NEB: variants seen among roughly 807,000 people sequenced by gnomAD.
NEB encodes nebulin, also known as nemaline myopathy type 2.
NEB carries 512 observed loss-of-function variants against 952.2 expected under a neutral mutation model. That is an observed-to-expected ratio of 0.54 (90% confidence interval 0.50 to 0.58). NEB has a LOEUF of 0.58. Ranked by LOEUF, NEB falls within the 20% of genes least tolerant of loss-of-function variation. NEB has a pLI of 0.00. For synonymous variants in NEB, 2,900 were observed against 3,149.8 expected, an observed-to-expected ratio of 0.92 and a Z score of 2.66; for missense variants, 8,428 against 9,231.1, an observed-to-expected ratio of 0.91 and a Z score of 3.56.
intron 20 of NEB, 96 bp from the exon 21 acceptor site, chr2:151,692,458 G>A (rs1334737462): frequency 2.1e-6 from 2 of 970,796 alleles, no homozygotes; most frequent in Non-Finnish European, 1.6e-6. Flanking sequence ...AACTGAAGGG[G>A]CAAAATTTAT....
At chr2:151,493,180 G>T in intron 176 of NEB, 173 bp downstream of exon 176, 6 of 563,302 alleles carry the variant, frequency 1.1e-5, no homozygotes, top group South Asian at 2.4e-5. Context: ...TAAATTTTCA[G>T]TTGAATAAGT....
At position 151,618,364 on chromosome 2, in the gene NEB, G is replaced by T; in HGVS notation, c.10987C>A (p.Arg3663Ser). The change falls in exon 74 of 182, where the codon CGT (arginine) becomes AGT (serine). Residue 3663 changes from arginine to serine, a missense_variant. By Grantham distance (110) the Arg-to-Ser change is moderately radical (BLOSUM62 -1). Coordinates refer to ENST00000397345, the MANE Select transcript of NEB (RefSeq NM_001164508.2). Reference sequence around the variant, plus strand: ...AATTTCAGCGTTTCTGGACGCTGACGGTAGATAGTATCACTAAGTAATTCT... The same window carrying T: ...AATTTCAGCGTTTCTGGACGCTGACTGTAGATAGTATCACTAAGTAATTCT... ...AGELLSDTIY[R>S]QRPETLKFTS... The T allele has an allele frequency of 6.2e-7, 1 of 1,613,892 alleles. No homozygotes were observed. Among genetic ancestry groups the T allele is most frequent in the Non-Finnish European group, 8.5e-7 (1 of 1,179,842 alleles).
chr2:151,718,720 C>A (rs2099766102), intron 9 of NEB, among the ~76,000 whole-genome samples: 1 of 152,170 alleles, frequency 6.6e-6, no homozygotes, highest in South Asian at 2.1e-4. Context: ...CTCACAACCC[C>A]AAACTCTCCT....
Position 151,527,137 on chromosome 2 carries a change from G to T in NEB, c.21841-115C>A, listed in dbSNP as rs529389293. 5.8e-6 allele frequency: 4 copies of T among 687,698 alleles called. 1 individual carries two copies. The South Asian group carries it at 7.6e-5, about 13-fold the overall frequency. 42.6% of individuals were successfully genotyped at this position (687,698 alleles called of 1,614,324 possible). A position where few individuals can be genotyped will look rare whatever the true frequency, so the allele number is the denominator to read the frequency against. On this transcript the variant is annotated intron_variant, in intron 147 of 181. Coordinates refer to ENST00000397345, the MANE Select transcript of NEB (RefSeq NM_001164508.2). ...AGGAGAGGACAAAGACTTGCTACCA[G>T]AATGAGGAGAAGAGCTTCTTGGTCC...
rs1455380634 is a variant in NEB at position 151,608,546 on chromosome 2, G to T, written c.12461C>A (p.Ala4154Asp). The part of the protein sequence containing the change: ...NERLYRTRPE[A>D]LSFTSIVDTP... ...GTCGACAATGCTGGTGAATGACAAA[G>T]CTTCTGGACGTGTCCTATAGAGTCT... The change falls in exon 82 of 182, where the codon GCT becomes GAT. Residue 4154 changes from alanine (A) to aspartate (D), a missense_variant. By Grantham distance (126) the Ala-to-Asp change is moderately radical. Transcript: ENST00000397345. The T allele has an allele frequency of 1.1e-5, 1 of 87,900 alleles. No homozygotes were observed. The highest frequency in any genetic ancestry group is 1.3e-4 in the South Asian group (1 of 7,566). The allele number at this position is 87,900 out of a possible 1,614,324, so 5.4% of individuals were successfully genotyped here.
chr2:151,723,133 T>C (rs1461822541), intron 9 of NEB, among the ~76,000 whole-genome samples: 1 of 152,158 alleles, frequency 6.6e-6, no homozygotes, highest in African/African-American at 2.4e-5. Flanking sequence ...CACTAACTAA[T>C]GTGACCCCAG....
chr2:151,655,698 G>C, intron 50 of NEB, 119 bp downstream of exon 50: 1 of 1,047,928 alleles, frequency 9.5e-7, no homozygotes, highest in East Asian at 2.4e-5. Flanking sequence ...GGAATGATCT[G>C]GAATGGTTTG....
At position 151,667,678 on chromosome 2, in the gene NEB, C is replaced by G. The variant is rs922787809; in HGVS notation, c.4719+126G>C. On this transcript the variant is annotated intron_variant, in intron 40 of 181. Coordinates refer to ENST00000397345, the MANE Select transcript of NEB (RefSeq NM_001164508.2). ...AAATAGTTGGAACTACAGGTACACG[C>G]CACCACATCTGGCTAATTTTTTTTT... 6.7e-6 allele frequency: 4 copies of G among 597,722 alleles called. No individual in the cohort carries two copies. The African/African-American group carries it at 7.5e-5, about 11-fold the overall frequency. 37.0% of individuals were successfully genotyped at this position (597,722 alleles called of 1,614,324 possible).
Position 151,525,162 on chromosome 2 carries a change from C to T in NEB, c.22272+1G>A, listed in dbSNP as rs765866533. 1 of 1,609,996 alleles carries T rather than the reference C, an allele frequency of 6.2e-7. No individual in the cohort carries two copies. The highest frequency in any genetic ancestry group is 8.5e-7 in the Non-Finnish European group (1 of 1,176,212). On this transcript the variant is annotated splice_donor_variant, in intron 151 of 181. Transcript: ENST00000397345. LOFTEE classifies it high-confidence loss of function. ...CAAGAGTGTTGAGAGGGAAAACTTA[C>T]ATCACTTTGCTTCTTGGCCACTTCC...
intron 153 of NEB, among the ~76,000 whole-genome samples, chr2:151,522,970 T>TAGGGGG (rs1381301523): frequency 3.9e-5 from 6 of 152,148 alleles, no homozygotes; most frequent in Admixed American, 3.9e-4. Flanking sequence ...ATGGGACCCA[T>TAGGGGG]AGGGTCCCAT....
In NEB at chr2:151,569,370, A is replaced by T; in HGVS notation, c.17433T>A (p.Asn5811Lys). The T allele has an allele frequency of 6.2e-7, 1 of 1,613,518 alleles. No individual in the cohort carries two copies. The highest frequency in any genetic ancestry group is 8.5e-7 in the Non-Finnish European group (1 of 1,179,462). Residue 5811 changes from asparagine to lysine, a missense_variant and splice_region_variant, in exon 110 of 182, where the codon AAT becomes AAA. Transcript: ENST00000397345. ...AKKAYELQSD[N>K]VYKADLEWLR... ...ACCATTCCAAGTCAGCCTTGTAAAC[A>T]TTCTGTGAAAACAGGGCCAGAATGA... is the stretch of plus-strand genomic sequence containing the variant.
At chr2:151,636,610 T>G (rs767563220) in intron 63 of NEB, among the ~76,000 whole-genome samples, 9 of 151,922 alleles carry the variant, frequency 5.9e-5, no homozygotes, top group Admixed American at 4.6e-4. Flanking sequence ...TGAAACCCCA[T>G]CTCTACTAAA....
rs1251007091 is a variant in NEB at position 151,606,601 on chromosome 2, C to A, written c.12747+5G>T. The A allele has an allele frequency of 2.7e-6, 2 of 737,182 alleles. No homozygotes were observed. Among genetic ancestry groups the A allele is most frequent in the South Asian group, 3.2e-5 (2 of 62,086 alleles). The allele number at this position is 737,182 out of a possible 1,614,324, so 45.7% of individuals were successfully genotyped here. On this transcript the variant is annotated splice_donor_5th_base_variant and intron_variant, in intron 84 of 181. Coordinates refer to ENST00000397345, the MANE Select transcript of NEB (RefSeq NM_001164508.2). Reference sequence around the variant, plus strand: ...AAAACCACAAGAAAAGAGAAGGAAGCGTACCTCACTGGCAATTTCTCTGGA... The same window carrying A: ...AAAACCACAAGAAAAGAGAAGGAAGAGTACCTCACTGGCAATTTCTCTGGA...
chr2:151,609,727 G>C (rs1455753393), intron 81 of NEB, 82 bp downstream of exon 81: 2 of 1,370,020 alleles, frequency 1.5e-6, no homozygotes, highest in African/African-American at 1.5e-5. Context: ...CAGCCCAGGG[G>C]ACTGTCCTCA....
At chr2:151,573,848 T>C (rs544978867) in intron 107 of NEB, among the ~76,000 whole-genome samples, 27 of 152,300 alleles carry the variant, frequency 1.8e-4, no homozygotes, top group Non-Finnish European at 2.1e-4. Context: ...TATCTTGTAC[T>C]CACAAATAGT....
At chr2:151,495,905 A>C (rs75797633) in intron 173 of NEB, among the ~76,000 whole-genome samples, 1 of 152,116 alleles carries the variant, frequency 6.6e-6, no homozygotes, top group South Asian at 2.1e-4. Context: ...ACACAACAAA[A>C]TCATATTTAA....
rs2153739559 is a variant in NEB at position 151,567,365 on chromosome 2, T to G, written c.17959A>C (p.Arg5987=). ...TTGTGATAGTCCTCTTTGTATAGTC[T>G]CTCATTCTGAATCTGGCCTGCATGC... ...FEHAGQIQNE[R]LYKEDYHKTK... The change falls in exon 114 of 182, where the codon AGA becomes CGA. Residue 5987 remains arginine, a synonymous_variant. Transcript: ENST00000397345. The G allele has an allele frequency of 6.2e-7, 1 of 1,613,904 alleles. No individual in the cohort carries two copies.
intron 148 of NEB, 38 bp from the exon 149 acceptor site, chr2:151,526,300 C>A: frequency 7.5e-7 from 1 of 1,331,908 alleles, no homozygotes; most frequent in Non-Finnish European, 1.1e-6. Context: ...TTTAGCTCTG[C>A]TGGATATCCT....
rs1218846191 is a variant in NEB, at chr2:151,671,179, G to A, written c.4350C>T (p.Ile1450=). 3 of 1,613,916 alleles carry A rather than the reference G, an allele frequency of 1.9e-6. No individual in the cohort carries two copies. Among genetic ancestry groups the A allele is most frequent in the Non-Finnish European group, 2.5e-6 (3 of 1,179,856 alleles). ...YNSFLKGIGW[I]PIGSLEVEKV... ...TCTCCACCTCCAGGGAACCAATAGG[G>A]ATCCATCCGATGCCCTTCAAGAAGC... is the stretch of plus-strand genomic sequence containing the variant. Residue 1450 remains isoleucine, a synonymous_variant, in exon 38 of 182, where the codon ATC becomes ATT. Coordinates refer to ENST00000397345, the MANE Select transcript of NEB (RefSeq NM_001164508.2).
Sources: allele counts gnomAD v4.1 joint callset (sites outside exome capture counted in the v4.1 genomes callset), GRCh38; gene constraint gnomAD v4.1.1; transcripts MANE v1.5; gene names NCBI Gene and HGNC (gene_info 2026-07-23, HGNC 2026-07-21).